The following MBOAT2 variants were observed in gnomAD, a reference collection of about 807,000 sequenced individuals.
MBOAT2 encodes membrane-bound glycerophospholipid O-acyltransferase 2.
MBOAT2 carries 28 observed loss-of-function variants against 63.4 expected under a neutral mutation model. The observed-to-expected ratio is 0.44, with a 90% CI of 0.33 to 0.61. The LOEUF (loss-of-function observed/expected upper bound fraction) is 0.61, where lower values mean the gene tolerates loss of function less well. Ranked by LOEUF, MBOAT2 falls within the 20% of genes least tolerant of loss-of-function variation. The pLI is 0.03. For missense variants in MBOAT2, 470 were observed against 605.8 expected, an observed-to-expected ratio of 0.78 and a Z score of 2.35; for synonymous variants, 211 against 215.6, an observed-to-expected ratio of 0.98 and a Z score of 0.19.
intron 5 of MBOAT2, 73 bp downstream of exon 5, chr2:8,887,945 T>C (rs1663680045): frequency 5.2e-6 from 7 of 1,345,358 alleles, no homozygotes; most frequent in South Asian, 2.4e-5. Flanking sequence ...CAGAAAGTTA[T>C]GGCAATATCT....
At position 8,856,132 on chromosome 2, in the gene MBOAT2, A is replaced by T. The variant is rs1446071660; in HGVS notation, c.*2547T>A. The T allele has an allele frequency of 1.3e-5, 2 of 152,232 alleles. No homozygotes were observed. Among genetic ancestry groups the T allele is most frequent in the Non-Finnish European group, 2.9e-5 (2 of 68,036 alleles). The allele number at this position is 152,232 out of a possible 1,614,324, so 9.4% of individuals were successfully genotyped here. On this transcript the variant is annotated 3_prime_UTR_variant, in exon 13 of 13. Coordinates refer to ENST00000305997, the MANE Select transcript of MBOAT2 (RefSeq NM_138799.4). This position sits in a 1 kb window ranked among gnomAD's most constrained non-coding sequence, Gnocchi z 4.2. ...AATCAGTCAAACTGGATATGGAATT[A>T]TTATCTTCGAAGGAACCAGAAAACC...
intron 3 of MBOAT2, among the ~76,000 whole-genome samples, chr2:8,919,178 G>A (rs1333399990): frequency 2.0e-5 from 3 of 152,178 alleles, no homozygotes; most frequent in East Asian, 3.8e-4. Flanking sequence ...TGGGCTGTTT[G>A]AAGCTTTTAG....
intron 2 of MBOAT2, among the ~76,000 whole-genome samples, chr2:8,953,917 C>T (rs1295134937): frequency 6.6e-6 from 1 of 152,166 alleles, no homozygotes; most frequent in African/African-American, 2.4e-5. Context: ...CTTTATCTGT[C>T]ATTTCTGAGT....
chr2:8,865,628 G>T (rs1175498439), intron 9 of MBOAT2, among the ~76,000 whole-genome samples: 2 of 152,170 alleles, frequency 1.3e-5, no homozygotes, highest in Non-Finnish European at 2.9e-5. Context: ...TCAATTCCCT[G>T]TTCCCCTCAG....
chr2:8,868,125 C>G lies in MBOAT2; in HGVS notation c.987+321G>C, dbSNP rs1005790696. Among the ~76,000 whole-genome samples, 2 of 152,134 alleles carry G rather than the reference C, an allele frequency of 1.3e-5. 1 individual carries two copies. Among genetic ancestry groups the G allele is most frequent in the Admixed American group, 1.3e-4 (2 of 15,266 alleles). On this transcript the variant is annotated intron_variant, in intron 9 of 12. Coordinates refer to ENST00000305997, the MANE Select transcript of MBOAT2 (RefSeq NM_138799.4). The stretch of plus-strand genomic sequence containing the variant: ...TCATTTTCTTTAGGACTCTCTTCCC[C>G]CAAACACCTCAACTAACCTGGATTC...
chr2:8,919,222 C>T (rs925130683), intron 3 of MBOAT2, among the ~76,000 whole-genome samples: 5 of 152,210 alleles, frequency 3.3e-5, no homozygotes, highest in Non-Finnish European at 5.9e-5. Context: ...TGTGGACATA[C>T]GTTTTCACCC....
rs1572889404 is a variant in MBOAT2 at position 8,853,906 on chromosome 2, T to C, written c.*4773A>G. 1.3e-5 allele frequency: 2 copies of C among 152,338 alleles called. No individual in the cohort carries two copies. The highest frequency in any genetic ancestry group is 3.4e-3 in the Middle Eastern group (1 of 294). The allele number at this position is 152,338 out of a possible 1,614,324, so 9.4% of individuals were successfully genotyped here. ...GCCTATGGAACGTGTCAGTTCTTTATTGGGATTTGCATAATGTTAAAAAAC... is the reference window on the plus strand; with the variant it reads ...GCCTATGGAACGTGTCAGTTCTTTACTGGGATTTGCATAATGTTAAAAAAC... On this transcript the variant is annotated 3_prime_UTR_variant, in exon 13 of 13. Transcript: ENST00000305997.
At chr2:8,938,661 ACATTT>A (rs1386231216) in intron 3 of MBOAT2, among the ~76,000 whole-genome samples, 1 of 150,572 alleles carries the variant, frequency 6.6e-6, no homozygotes, top group Non-Finnish European at 1.5e-5. Context: ...TCATGCCACC[ACATTT>A]CATGCCGTGT....
At chr2:8,873,506 C>T (rs1293288296) in intron 7 of MBOAT2, among the ~76,000 whole-genome samples, 1 of 152,000 alleles carries the variant, frequency 6.6e-6, no homozygotes, top group Admixed American at 6.6e-5. Context: ...ATAAGTACTA[C>T]CTAGGGGTTA....
intron 4 of MBOAT2, among the ~76,000 whole-genome samples, chr2:8,902,389 A>G (rs1385597745): frequency 6.6e-6 from 1 of 152,230 alleles, no homozygotes; most frequent in Non-Finnish European, 1.5e-5. Context: ...GCTGACTTCA[A>G]GAATGAAGCC....
rs560976244 is a variant in MBOAT2, at chr2:8,992,461, A to G, written c.75+11079T>C. On this transcript the variant is annotated intron_variant, in intron 1 of 12. Coordinates refer to ENST00000305997, the MANE Select transcript of MBOAT2 (RefSeq NM_138799.4). Reference sequence around the variant, plus strand: ...CTCTCCATTGAGTTTTAACAAGTAAAGTATCACTTAGATGTTTTTCATGTA... The same window carrying G: ...CTCTCCATTGAGTTTTAACAAGTAAGGTATCACTTAGATGTTTTTCATGTA... Among the ~76,000 whole-genome samples, 26 of 152,350 alleles carry G rather than the reference A, an allele frequency of 1.7e-4. No individual in the cohort carries two copies. In the South Asian group the frequency reaches 5.2e-3, roughly 30 times the overall value.
chr2:8,964,834 T>G (rs1264329468), intron 1 of MBOAT2, among the ~76,000 whole-genome samples: 1 of 152,248 alleles, frequency 6.6e-6, no homozygotes, highest in Non-Finnish European at 1.5e-5. Flanking sequence ...TTCTCCTGAT[T>G]ACTAGCCAGG....
chr2:9,002,654 A>T (rs1573302470), intron 1 of MBOAT2, among the ~76,000 whole-genome samples: 1 of 144,250 alleles, frequency 6.9e-6, no homozygotes, highest in Non-Finnish European at 1.5e-5. Context: ...CCTAAATCTC[A>T]CTGTCACAAC....
rs1251631163 is a variant in MBOAT2, at chr2:8,858,672, T to C, written c.*7A>G. On this transcript the variant is annotated 3_prime_UTR_variant, in exon 13 of 13. Coordinates refer to ENST00000305997, the MANE Select transcript of MBOAT2 (RefSeq NM_138799.4). ...AAAAAAAAAAACAGCCCTCAGAGCC[T>C]TCCCGATCACTGCTTTAGTGATGAA... 4.4e-6 allele frequency: 7 copies of C among 1,595,672 alleles called. No homozygotes were observed. Among genetic ancestry groups the C allele is most frequent in the African/African-American group, 4.0e-5 (3 of 74,180 alleles).
intron 3 of MBOAT2, among the ~76,000 whole-genome samples, chr2:8,933,015 G>GCAAAA (rs1558630212): frequency 6.6e-6 from 1 of 152,132 alleles, no homozygotes; most frequent in African/African-American, 2.4e-5. Context: ...TTTCACTCAT[G>GCAAAA]CTTCTTTTCT....
chr2:8,879,876 T>C (rs909316658), intron 6 of MBOAT2, among the ~76,000 whole-genome samples: 1 of 152,052 alleles, frequency 6.6e-6, no homozygotes, highest in East Asian at 1.9e-4. Flanking sequence ...CAGTAATACC[T>C]ACTATGAGGA....
chr2:8,971,658 C>T (rs1573210795), intron 1 of MBOAT2, among the ~76,000 whole-genome samples: 1 of 152,222 alleles, frequency 6.6e-6, no homozygotes, highest in Admixed American at 6.5e-5. Flanking sequence ...TGATAAGCAA[C>T]TTCAGCAAAG....
Position 8,900,331 on chromosome 2 carries a change from C to T in MBOAT2, c.395+8290G>A, listed in dbSNP as rs182775038. ...CAAACTTTGGGGCTGCAGCTAAAGT[C>T]GCATTCTTTTCATTAAAGGCCAGGG... is the stretch of plus-strand genomic sequence containing the variant. On this transcript the variant is annotated intron_variant, in intron 4 of 12. Coordinates refer to ENST00000305997, the MANE Select transcript of MBOAT2 (RefSeq NM_138799.4). Among the ~76,000 whole-genome samples, 245 of 152,254 alleles carry T rather than the reference C, an allele frequency of 1.6e-3. 1 individual carries two copies. The highest frequency in any genetic ancestry group is 5.5e-3 in the African/African-American group (230 of 41,536).
In MBOAT2 at chr2:8,864,218, T is replaced by C. The variant is rs764032416; in HGVS notation, c.1004A>G (p.Lys335Arg). The C allele has an allele frequency of 2.5e-6, 4 of 1,576,204 alleles. No individual in the cohort carries two copies. Among genetic ancestry groups the C allele is most frequent in the South Asian group, 2.4e-5 (2 of 82,940 alleles). The change falls in exon 10 of 13, where the codon AAG becomes AGG. Residue 335 changes from lysine (K) to arginine (R), a missense_variant. Physicochemically the swap from Lys to Arg is conservative, Grantham distance 26. Around this residue, in one of 3 missense-constraint regions of MBOAT2, gnomAD observed 376 missense variants for 503.8 expected, o/e 0.75. Coordinates refer to ENST00000305997, the MANE Select transcript of MBOAT2 (RefSeq NM_138799.4). ...AATATTCCAATTATCAAGAAACATC[T>C]TGAAACTTGTTGACATCTGAAAAAA... ...IQQIEMSTSFKMFLDNWNIQT... is the reference protein window; with the variant it reads ...IQQIEMSTSFRMFLDNWNIQT...
Sources: gnomAD v4.1 joint callset for allele counts (sites outside exome capture counted in the v4.1 genomes callset) on GRCh38, gnomAD v4.1.1 for gene constraint, gnomAD v4.1.1 regional missense constraint, Gnocchi (gnomAD v3.1) non-coding constraint, MANE v1.5 for transcripts, NCBI Gene and HGNC (gene_info 2026-07-23, HGNC 2026-07-21) for gene names.